Variants in PIK3C3 observed in about 807,000 individuals in gnomAD.
The protein encoded by PIK3C3 is PI3-kinase type 3.
A neutral mutation model predicts 126.1 loss-of-function variants in PIK3C3; 95 were observed. The observed-to-expected ratio is 0.75, with a 90% CI of 0.64 to 0.89. The LOEUF (loss-of-function observed/expected upper bound fraction) is 0.89. Among genes scored for constraint, PIK3C3 ranks in the 40% least tolerant of loss-of-function variants. PIK3C3 has a pLI of 0.00. For missense variants in PIK3C3, 829 were observed against 1,063.2 expected, an observed-to-expected ratio of 0.78 and a Z score of 3.06; for synonymous variants, 374 against 360.0, an observed-to-expected ratio of 1.04 and a Z score of -0.44.
chr18:42,062,133 T>A (rs992947191), intron 22 of PIK3C3, among the ~76,000 whole-genome samples: 1 of 152,212 alleles, frequency 6.6e-6, no homozygotes, highest in African/African-American at 2.4e-5. Flanking sequence ...ATTCTCCTTA[T>A]GTTACCTTCT....
chr18:42,032,624 T>TTTTATTTTA (rs1555636797), intron 15 of PIK3C3, among the ~76,000 whole-genome samples: 29 of 144,012 alleles, frequency 2.0e-4, no homozygotes, highest in Non-Finnish European at 4.4e-4. Context: ...TTTCTGGTTA[T>TTTTATTTTA]TTTATTTATT....
intron 24 of PIK3C3, among the ~76,000 whole-genome samples, chr18:42,078,055 G>A (rs748497038): frequency 2.0e-5 from 3 of 152,060 alleles, no homozygotes; most frequent in Non-Finnish European, 4.4e-5. Context: ...TTTTTTCTGA[G>A]CAGTAGGCTT....
At position 42,037,742 on chromosome 18, in the gene PIK3C3, A is replaced by G. The variant is rs888055392; in HGVS notation, c.1890A>G (p.Lys630=). The G allele has an allele frequency of 1.2e-6, 2 of 1,612,224 alleles. No individual in the cohort carries two copies. The highest frequency in any genetic ancestry group is 1.7e-6 in the Non-Finnish European group (2 of 1,178,514). Residue 630 remains lysine (K), a synonymous_variant, in exon 17 of 25, where the codon AAA becomes AAG. Coordinates refer to ENST00000262039, the MANE Select transcript of PIK3C3 (RefSeq NM_002647.4). ...QLFFKTEDGG[K]YPVIFKHGDD... is the part of the protein sequence containing the mutation. ...TTTTTAAGACGGAAGATGGAGGCAA[A>G]TATCCAGTTATATTTAAGCATGGAG...
intron 16 of PIK3C3, among the ~76,000 whole-genome samples, chr18:42,035,002 A>C (rs899486130): frequency 3.9e-5 from 6 of 152,216 alleles, no homozygotes; most frequent in African/African-American, 1.4e-4. Context: ...ATGGATGGAT[A>C]GTTACCATTA....
chr18:42,002,267 G>A (rs1982325509), intron 9 of PIK3C3, among the ~76,000 whole-genome samples: 1 of 152,186 alleles, frequency 6.6e-6, no homozygotes, highest in African/African-American at 2.4e-5. Flanking sequence ...GTTAATGTAA[G>A]TTAACTGGGC....
intron 14 of PIK3C3, 35 bp from the exon 15 acceptor site, chr18:42,029,290 A>G (rs1395584116): frequency 1.7e-5 from 22 of 1,294,290 alleles, no homozygotes; most frequent in South Asian, 2.4e-5. Context: ...ATTACGCAAC[A>G]TAGAACTAAT....
chr18:41,955,369 C>T lies in PIK3C3; in HGVS notation c.68+10C>T. On this transcript the variant is annotated intron_variant, in intron 1 of 24. Coordinates refer to ENST00000262039, the MANE Select transcript of PIK3C3 (RefSeq NM_002647.4). ...ACGTCCAGCTTAAGATGTAAGAGAA[C>T]ACTCGGGACAGGGAGTGGGATTGCT... The T allele has an allele frequency of 6.2e-7, 1 of 1,610,058 alleles. No individual in the cohort carries two copies. The highest frequency in any genetic ancestry group is 1.7e-5 in the Admixed American group (1 of 59,852).
chr18:42,068,617 T>C (rs1262207257), intron 24 of PIK3C3, among the ~76,000 whole-genome samples: 1 of 152,156 alleles, frequency 6.6e-6, no homozygotes, highest in Non-Finnish European at 1.5e-5. Context: ...CCTCCCACTT[T>C]TCCCACATTA....
At chr18:41,965,361 A>G (rs775123974) in intron 3 of PIK3C3, among the ~76,000 whole-genome samples, 5 of 152,226 alleles carry the variant, frequency 3.3e-5, no homozygotes, top group African/African-American at 4.8e-5. Flanking sequence ...GGGAGGGACA[A>G]TTGAAATTTC....
intron 20 of PIK3C3, among the ~76,000 whole-genome samples, chr18:42,047,327 G>A (rs964217911): frequency 5.3e-5 from 8 of 152,110 alleles, no homozygotes; most frequent in African/African-American, 1.9e-4. Context: ...CCCTTGAGTG[G>A]CAGGTAGATT....
chr18:42,050,729 A>G (rs1984765916), intron 21 of PIK3C3: 1 of 152,216 alleles, frequency 6.6e-6, no homozygotes, highest in Non-Finnish European at 1.5e-5. Context: ...GAAGCAAACA[A>G]TATATGTTGC....
chr18:42,069,188 C>T (rs888633951), intron 24 of PIK3C3, among the ~76,000 whole-genome samples: 3 of 152,154 alleles, frequency 2.0e-5, no homozygotes, highest in African/African-American at 7.2e-5. Flanking sequence ...ATTTTTATTA[C>T]AAGGGCTGCC....
In PIK3C3 at chr18:41,956,548, CTTT is replaced by C. The variant is rs57601171; in HGVS notation, c.69-1002_69-1000del. 3.1e-3 allele frequency among the ~76,000 whole-genome samples: 311 copies of C among 100,234 alleles called. 1 individual carries two copies. Among genetic ancestry groups the C allele is most frequent in the African/African-American group, 0.01 (249 of 23,962 alleles). 65.8% of individuals were successfully genotyped at this position (100,234 alleles called of 152,430 possible). ...AAGAAAAAGCCAAAAAAACCGGTCC[CTTT>C]TTTTTTTTTTTTTTTTTTTGGAGAC... On this transcript the variant is annotated intron_variant, in intron 1 of 24. Coordinates refer to ENST00000262039, the MANE Select transcript of PIK3C3 (RefSeq NM_002647.4).
At chr18:42,062,120 T>A (rs1202561080) in intron 22 of PIK3C3, among the ~76,000 whole-genome samples, 2 of 152,360 alleles carry the variant, frequency 1.3e-5, no homozygotes, top group East Asian at 3.9e-4. Context: ...AAACTGACTT[T>A]GTATTCTCCT....
At chr18:41,995,734 C>A (rs1981993176) in intron 7 of PIK3C3, among the ~76,000 whole-genome samples, 156 bp from the exon 8 acceptor site, 1 of 152,102 alleles carries the variant, frequency 6.6e-6, no homozygotes, top group Admixed American at 6.6e-5. Flanking sequence ...GAGAAGGATA[C>A]ATATTTTTAA....
At chr18:42,043,243 T>C (rs1290335122) in intron 19 of PIK3C3, among the ~76,000 whole-genome samples, 3 of 151,644 alleles carry the variant, frequency 2.0e-5, no homozygotes, top group Non-Finnish European at 1.5e-5. Context: ...GGACTACAGG[T>C]GCCTGCCACC....
In PIK3C3 at chr18:42,040,712, G is replaced by A. The variant is rs1286013056; in HGVS notation, c.2074G>A (p.Glu692Lys). The part of the protein sequence containing the change: ...MQFIQSVPVA[E>K]VLDTEGSIQN... ...GTTTATCCAGTCAGTTCCTGTGGCT[G>A]AAGTTCTTGATACAGAGGGAAGCAT... Residue 692 changes from glutamate to lysine, a missense_variant, in exon 19 of 25, where the codon GAA (glutamate) becomes AAA (lysine). Around this residue, in one of 4 missense-constraint regions of PIK3C3, gnomAD observed 196 missense variants for 312.8 expected, o/e 0.63. Transcript: ENST00000262039. 6.2e-7 allele frequency: 1 copy of A among 1,610,724 alleles called. No homozygotes were observed. The highest frequency in any genetic ancestry group is 1.3e-5 in the African/African-American group (1 of 74,858).
intron 24 of PIK3C3, among the ~76,000 whole-genome samples, chr18:42,079,597 A>C (rs985175022): frequency 9.9e-5 from 15 of 152,216 alleles, no homozygotes; most frequent in African/African-American, 3.6e-4. Flanking sequence ...AACAAAACAA[A>C]ACAGTATCTG....
Position 41,996,670 on chromosome 18 carries a change from T to G in PIK3C3, c.924T>G (p.Leu308=), listed in dbSNP as rs1982040080. The G allele has an allele frequency of 7.6e-6, 12 of 1,578,076 alleles. No homozygotes were observed. Among genetic ancestry groups the G allele is most frequent in the Non-Finnish European group, 8.6e-6 (10 of 1,160,858 alleles). ...IIVSYPPTKQ[L]TYEEQDLVWK... The stretch of plus-strand genomic sequence containing the variant: ...TGAGTTATCCACCAACCAAGCAACT[T>G]ACATATGAAGAACAAGATCTTGTTT... Residue 308 remains leucine, a synonymous_variant, in exon 9 of 25, where the codon CTT becomes CTG. Coordinates refer to ENST00000262039, the MANE Select transcript of PIK3C3 (RefSeq NM_002647.4).
Sources: gnomAD v4.1 joint callset for allele counts (sites outside exome capture counted in the v4.1 genomes callset) on GRCh38, gnomAD v4.1.1 for gene constraint, gnomAD v4.1.1 regional missense constraint, MANE v1.5 for transcripts, NCBI Gene and HGNC (gene_info 2026-07-23, HGNC 2026-07-21) for gene names.